Variants in EGFR observed in about 807,000 individuals in gnomAD.
EGFR encodes epidermal growth factor receptor.
A neutral mutation model predicts 143.0 loss-of-function variants in EGFR; 58 were observed. The observed-to-expected ratio is 0.41, with a 90% CI of 0.33 to 0.50. EGFR has a LOEUF of 0.50. Among genes scored for constraint, EGFR ranks in the 20% least tolerant of loss-of-function variants. EGFR has a pLI of 0.39. For synonymous variants in EGFR, 613 were observed against 594.4 expected, an observed-to-expected ratio of 1.03 and a Z score of -0.45; for missense variants, 1,307 against 1,579.0, an observed-to-expected ratio of 0.83 and a Z score of 2.92.
At chr7:55,029,465 A>G (rs1029797796) in intron 1 of EGFR, among the ~76,000 whole-genome samples, 2 of 151,504 alleles carry the variant, frequency 1.3e-5, no homozygotes, top group Non-Finnish European at 2.9e-5. Flanking sequence ...CTTCTTTTTT[A>G]CAAGCTGTTA....
chr7:55,039,951 A>G (rs887751107), intron 1 of EGFR, among the ~76,000 whole-genome samples: 2 of 152,166 alleles, frequency 1.3e-5, no homozygotes, highest in Admixed American at 6.5e-5. Flanking sequence ...CTCTCTTACT[A>G]TACACTGGTA....
intron 1 of EGFR, among the ~76,000 whole-genome samples, chr7:55,033,576 C>T (rs1035930466): frequency 6.6e-6 from 1 of 152,142 alleles, no homozygotes; most frequent in African/African-American, 2.4e-5. Context: ...GAGCGTGCCC[C>T]ATGTGTGCAC....
intron 1 of EGFR, among the ~76,000 whole-genome samples, chr7:55,046,603 A>C (rs1264410129): frequency 1.3e-5 from 2 of 149,694 alleles, no homozygotes; most frequent in African/African-American, 4.9e-5. Flanking sequence ...AAAAAAAAAA[A>C]CAGCATTCTG....
chr7:55,038,985 G>T (rs1315947597), intron 1 of EGFR, among the ~76,000 whole-genome samples: 1 of 151,778 alleles, frequency 6.6e-6, no homozygotes, highest in African/African-American at 2.4e-5. Flanking sequence ...GCAGAGGAGG[G>T]TAGATCTGGT....
At chr7:55,050,038 T>C (rs1190636776) in intron 1 of EGFR, among the ~76,000 whole-genome samples, 2 of 152,208 alleles carry the variant, frequency 1.3e-5, no homozygotes, top group Admixed American at 6.5e-5. Context: ...TCTCCTCAGC[T>C]CTTCCCTTCC....
At chr7:55,131,468 C>T (rs1793827569) in intron 1 of EGFR, among the ~76,000 whole-genome samples, 1 of 152,162 alleles carries the variant, frequency 6.6e-6, no homozygotes, top group South Asian at 2.1e-4. Flanking sequence ...TACTGCTTCT[C>T]ATCTGTTCCC....
intron 19 of EGFR, among the ~76,000 whole-genome samples, chr7:55,178,791 C>G (rs1162985984): frequency 6.6e-6 from 1 of 152,202 alleles, no homozygotes; most frequent in East Asian, 1.9e-4. Context: ...AACACACACT[C>G]TCCTTGAAAA....
chr7:55,039,064 C>T (rs956141148), intron 1 of EGFR, among the ~76,000 whole-genome samples: 2 of 151,892 alleles, frequency 1.3e-5, no homozygotes, highest in East Asian at 1.9e-4. Flanking sequence ...GTTAGTTCCA[C>T]AGTTAATGCT....
At chr7:55,060,236 T>G (rs889248599) in intron 1 of EGFR, among the ~76,000 whole-genome samples, 2 of 152,254 alleles carry the variant, frequency 1.3e-5, no homozygotes, top group African/African-American at 4.8e-5. Flanking sequence ...TTATATTTCA[T>G]TAATATATTC....
chr7:55,161,450 C>G (rs112323478), intron 12 of EGFR, 49 bp from the exon 13 acceptor site: 3 of 1,591,716 alleles, frequency 1.9e-6, no homozygotes, highest in Non-Finnish European at 2.6e-6. Flanking sequence ...TCCGGCCCCT[C>G]GGGTCCCTGC....
intron 1 of EGFR, among the ~76,000 whole-genome samples, chr7:55,033,797 A>G (rs1312293022): frequency 6.6e-6 from 1 of 152,070 alleles, no homozygotes; most frequent in Non-Finnish European, 1.5e-5. Flanking sequence ...CATCCCACCA[A>G]CCCTCACTTT....
intron 1 of EGFR, among the ~76,000 whole-genome samples, chr7:55,112,625 G>A (rs1002673387): frequency 6.6e-6 from 1 of 152,208 alleles, no homozygotes; most frequent in Non-Finnish European, 1.5e-5. Flanking sequence ...CTCCTGTGAA[G>A]CGAGGAAGGG....
chr7:55,181,272 C>G (rs201251727), intron 19 of EGFR, 21 bp from the exon 20 acceptor site: 2 of 1,613,852 alleles, frequency 1.2e-6, no homozygotes, highest in Non-Finnish European at 1.7e-6. Context: ...GCCACACTGA[C>G]GTGCCTCTCC....
In EGFR at chr7:55,206,429, T is replaced by A. The variant is rs938104924; in HGVS notation, c.*812T>A. ...CTGTCATGAAATCAGCAAGAGAGGA[T>A]GACACATCAAATAATAACTCGGATT... On this transcript the variant is annotated 3_prime_UTR_variant, in exon 28 of 28. Transcript: ENST00000275493. 4.3e-6 allele frequency: 1 copy of A among 233,352 alleles called. No homozygotes were observed. Among genetic ancestry groups the A allele is most frequent in the Non-Finnish European group, 8.5e-6 (1 of 118,106 alleles). 14.5% of individuals were successfully genotyped at this position (233,352 alleles called of 1,614,324 possible).
chr7:55,095,719 CAG>C (rs1429958058), intron 1 of EGFR, among the ~76,000 whole-genome samples: 22 of 23,844 alleles, frequency 9.2e-4, no homozygotes, highest in African/African-American at 4.0e-3. Context: ...GAGATACACA[CAG>C]ACACACACAC....
Position 55,146,591 on chromosome 7 carries a change from T to C in EGFR, c.425-15T>C. 6.2e-7 allele frequency: 1 copy of C among 1,613,790 alleles called. No homozygotes were observed. The highest frequency in any genetic ancestry group is 2.2e-5 in the East Asian group (1 of 44,836). On this transcript the variant is annotated splice_polypyrimidine_tract_variant and intron_variant, in intron 3 of 27. Transcript: ENST00000275493. ...AGCTGGAAAGAGTGCTCACCGCAGT[T>C]CCATTCTCCCGCAGAAATCCTGCAT...
At chr7:55,189,592 T>A (rs1415014152) in intron 20 of EGFR, among the ~76,000 whole-genome samples, 1 of 152,222 alleles carries the variant, frequency 6.6e-6, no homozygotes, top group East Asian at 1.9e-4. Context: ...TTAATGAATA[T>A]GTAGAAACCA....
At chr7:55,118,135 T>A (rs570814716) in intron 1 of EGFR, among the ~76,000 whole-genome samples, 1 of 152,330 alleles carries the variant, frequency 6.6e-6, no homozygotes, top group South Asian at 2.1e-4. Flanking sequence ...TAGATGGAGA[T>A]TACCCTTTTG....
chr7:55,128,332 T>G (rs1237028345), intron 1 of EGFR, among the ~76,000 whole-genome samples: 1 of 152,238 alleles, frequency 6.6e-6, no homozygotes, highest in African/African-American at 2.4e-5. Context: ...CACTGAAATA[T>G]TCTTTGGTCT....
Sources: gnomAD v4.1 joint callset for allele counts (sites outside exome capture counted in the v4.1 genomes callset) on GRCh38, gnomAD v4.1.1 for gene constraint, MANE v1.5 for transcripts, NCBI Gene and HGNC (gene_info 2026-07-23, HGNC 2026-07-21) for gene names.